UNC80: variants seen among roughly 807,000 people sequenced by gnomAD.
The protein encoded by UNC80 is unc-80 subunit of NALCN channel complex.
Under a neutral mutation model 384.6 loss-of-function variants are expected in UNC80, and 164 were observed. The observed-to-expected ratio is 0.43, with a 90% CI of 0.38 to 0.49. UNC80 has a LOEUF of 0.49. UNC80 is among the 20% of genes least tolerant of loss of function. The pLI is 0.00. For missense variants in UNC80, 3,330 were observed against 4,143.0 expected (o/e 0.80, Z 5.39); for synonymous variants, 1,486 against 1,527.8 (o/e 0.97, Z 0.64).
chr2:209,974,957 A>T lies in UNC80; in HGVS notation c.8588-1162A>T, dbSNP rs565411395. Among the ~76,000 whole-genome samples, 111 of 152,280 alleles carry T rather than the reference A, an allele frequency of 7.3e-4. No individual in the cohort carries two copies. In the Middle Eastern group the frequency reaches 0.017, roughly 23 times the overall value. On this transcript the variant is annotated intron_variant, in intron 56 of 64. Transcript: ENST00000673920. ...TTTGTTTGTTTGTTTAGTTGAGGGAAAGGAATTGAGATAAGCAATTGCTGT... is the reference window on the plus strand; with the variant it reads ...TTTGTTTGTTTGTTTAGTTGAGGGATAGGAATTGAGATAAGCAATTGCTGT...
intron 33 of UNC80, among the ~76,000 whole-genome samples, chr2:209,919,029 A>G (rs2089808839): frequency 6.6e-6 from 1 of 152,166 alleles, no homozygotes; most frequent in African/African-American, 2.4e-5. Context: ...AAAATAAGAA[A>G]AAGAAGAGAG....
chr2:209,949,960 C>T (rs967343167), intron 47 of UNC80, among the ~76,000 whole-genome samples: 4 of 151,648 alleles, frequency 2.6e-5, no homozygotes, highest in Non-Finnish European at 4.4e-5. Context: ...TCCAAGTAGC[C>T]GGCACTACAG....
chr2:209,862,733 A>G (rs1451623406), intron 22 of UNC80, among the ~76,000 whole-genome samples: 2 of 147,762 alleles, frequency 1.4e-5, no homozygotes, highest in East Asian at 2.0e-4. Context: ...TGTCTTTGCA[A>G]GTGAGATGGG....
chr2:209,929,609 A>G (rs1345070901), intron 36 of UNC80, among the ~76,000 whole-genome samples: 1 of 152,204 alleles, frequency 6.6e-6, no homozygotes, highest in African/African-American at 2.4e-5. Context: ...ACAATTGCAT[A>G]TATTCACAGA....
At chr2:209,793,654 A>T in intron 6 of UNC80, 66 bp from the exon 7 acceptor site, 2 of 1,576,710 alleles carry the variant, frequency 1.3e-6, no homozygotes, top group Non-Finnish European at 8.6e-7. Context: ...ATTCTAGATG[A>T]TATAGCTACA....
intron 27 of UNC80, among the ~76,000 whole-genome samples, chr2:209,895,017 T>C (rs2086674520): frequency 1.3e-5 from 2 of 152,116 alleles, no homozygotes; most frequent in African/African-American, 4.8e-5. Flanking sequence ...TAAAGATAAA[T>C]TAGAAGATGA....
intron 22 of UNC80, among the ~76,000 whole-genome samples, chr2:209,863,621 C>T (rs781623970): frequency 1.3e-5 from 2 of 151,650 alleles, no homozygotes; most frequent in Non-Finnish European, 2.9e-5. Flanking sequence ...TCTGCTTGGT[C>T]GATTCAGCTA....
chr2:209,791,819 CAAAAAAAAAA>C (rs71043949), intron 6 of UNC80, among the ~76,000 whole-genome samples: 1 of 52,144 alleles, frequency 1.9e-5, no homozygotes, highest in Non-Finnish European at 3.2e-5. Context: ...GACTCCGTCT[CAAAAAAAAAA>C]AAAAAAAAAA....
At chr2:209,982,347 C>A in intron 60 of UNC80, 30 bp downstream of exon 60, 1 of 1,497,638 alleles carries the variant, frequency 6.7e-7, no homozygotes, top group Non-Finnish European at 8.9e-7. Flanking sequence ...CTGTACTCTG[C>A]ATTTGGGGGC....
rs760634420 is a variant in UNC80 at position 209,995,384 on chromosome 2, G to C, written c.9764G>C (p.Gly3255Ala). 1 of 1,552,130 alleles carries C rather than the reference G, an allele frequency of 6.4e-7. No individual in the cohort carries two copies. Among genetic ancestry groups the C allele is most frequent in the South Asian group, 1.2e-5 (1 of 84,060 alleles). The change falls in exon 65 of 65, where the codon GGT (glycine) becomes GCT (alanine). Residue 3255 changes from glycine (G) to alanine (A), a missense_variant. Physicochemically the swap from Gly to Ala is moderately conservative, Grantham distance 60 (BLOSUM62 0). This residue lies in a region of UNC80 where 236 missense variants were observed against 254.9 expected (regional missense o/e 0.93). Coordinates refer to ENST00000673920, the MANE Select transcript of UNC80 (RefSeq NM_001371986.1). ...GEKEEDTEAQ[G>A]ATAHSPLSAQ... is the part of the protein sequence containing the mutation. Reference sequence around the variant, plus strand: ...AAGGAGGAGGACACAGAAGCACAAGGTGCTACTGCACACAGTCCACTCTCT... The same window carrying C: ...AAGGAGGAGGACACAGAAGCACAAGCTGCTACTGCACACAGTCCACTCTCT...
rs368617236 is a variant in UNC80, at chr2:209,834,317, G to C, written c.2942+149G>C. ...TAAGTGGTTTCACTGGTGTGGTGTA[G>C]CTGCAGCTTAGAAAATGAATGAATT... On this transcript the variant is annotated intron_variant, in intron 17 of 64. Coordinates refer to ENST00000673920, the MANE Select transcript of UNC80 (RefSeq NM_001371986.1). 18 of 804,544 alleles carry C rather than the reference G, an allele frequency of 2.2e-5. No individual in the cohort carries two copies. In the East Asian group the frequency reaches 4.7e-4, roughly 21 times the overall value. 49.8% of individuals were successfully genotyped at this position (804,544 alleles called of 1,614,324 possible).
Position 209,943,469 on chromosome 2 carries a change from T to G in UNC80, c.7005T>G (p.Phe2335Leu), listed in dbSNP as rs567166305. 1 of 1,552,018 alleles carries G rather than the reference T, an allele frequency of 6.4e-7. No individual in the cohort carries two copies. Among genetic ancestry groups the G allele is most frequent in the South Asian group, 1.2e-5 (1 of 84,060 alleles). Residue 2335 changes from phenylalanine (F) to leucine (L), a missense_variant, in exon 45 of 65, where the codon TTT becomes TTG. Coordinates refer to ENST00000673920, the MANE Select transcript of UNC80 (RefSeq NM_001371986.1). ...TCTATATTCTACACCGGAAGCCCTT[T>G]GTGCTCCAGCTGTTTGCTAGTGTGG... ...HQFYILHRKP[F>L]VLQLFASVAP... is the part of the protein sequence containing the mutation.
Position 209,929,951 on chromosome 2 carries a change from C to T in UNC80, c.5887C>T (p.Leu1963=), listed in dbSNP as rs2090722479. The T allele has an allele frequency of 6.5e-7, 1 of 1,540,194 alleles. No individual in the cohort carries two copies. Among genetic ancestry groups the T allele is most frequent in the African/African-American group, 1.4e-5 (1 of 72,202 alleles). Residue 1963 remains leucine, a synonymous_variant, in exon 37 of 65, where the codon CTG becomes TTG. Coordinates refer to ENST00000673920, the MANE Select transcript of UNC80 (RefSeq NM_001371986.1). ...GGTTCTTCGACATTTTCTGGAAAAACTGACCATCAGCAATAGACAAGTAAA... is the reference window on the plus strand; with the variant it reads ...GGTTCTTCGACATTTTCTGGAAAAATTGACCATCAGCAATAGACAAGTAAA... ...STVLRHFLEK[L]TISNRQDELM... is the part of the protein sequence containing the mutation.
At chr2:209,903,749 A>G (rs2087832764) in intron 28 of UNC80, among the ~76,000 whole-genome samples, 1 of 148,674 alleles carries the variant, frequency 6.7e-6, no homozygotes, top group Admixed American at 7.0e-5. Flanking sequence ...GCTTAAAACA[A>G]TACACATTTA....
In UNC80 at chr2:209,929,953, G is replaced by T; in HGVS notation, c.5889G>T (p.Leu1963=). 1 of 1,539,668 alleles carries T rather than the reference G, an allele frequency of 6.5e-7. No individual in the cohort carries two copies. Among genetic ancestry groups the T allele is most frequent in the South Asian group, 1.2e-5 (1 of 81,946 alleles). ...TTCTTCGACATTTTCTGGAAAAACT[G>T]ACCATCAGCAATAGACAAGTAAATT... is the stretch of plus-strand genomic sequence containing the variant. ...STVLRHFLEK[L]TISNRQDELM... The change falls in exon 37 of 65, where the codon CTG becomes CTT. Residue 1963 remains leucine (L), a synonymous_variant. Coordinates refer to ENST00000673920, the MANE Select transcript of UNC80 (RefSeq NM_001371986.1).
intron 51 of UNC80, among the ~76,000 whole-genome samples, chr2:209,963,144 T>C (rs1159577374): frequency 6.6e-6 from 1 of 152,248 alleles, no homozygotes; most frequent in African/African-American, 2.4e-5. Context: ...AATGTATTGC[T>C]TCATTTGTCC....
intron 9 of UNC80, among the ~76,000 whole-genome samples, chr2:209,816,470 G>C (rs2079745020): frequency 6.6e-6 from 1 of 152,234 alleles, no homozygotes; most frequent in Non-Finnish European, 1.5e-5. Flanking sequence ...CAGAAAAAGA[G>C]AGGCTGGTTC....
chr2:209,917,705 C>G, intron 31 of UNC80, 72 bp from the exon 32 acceptor site: 1 of 1,503,998 alleles, frequency 6.6e-7, no homozygotes, highest in Non-Finnish European at 9.0e-7. Flanking sequence ...GAAGCAGTTT[C>G]CACTTCTCCC....
At chr2:209,912,806 A>G (rs2089099398) in intron 30 of UNC80, 139 bp downstream of exon 30, 2 of 586,662 alleles carry the variant, frequency 3.4e-6, no homozygotes, top group African/African-American at 3.9e-5. Flanking sequence ...GGTGAGCAAG[A>G]GTGCCACCAA....
Sources: allele counts gnomAD v4.1 joint callset (sites outside exome capture counted in the v4.1 genomes callset), GRCh38; gene constraint gnomAD v4.1.1; regional missense constraint gnomAD v4.1.1; transcripts MANE v1.5; gene names NCBI Gene and HGNC (gene_info 2026-07-23, HGNC 2026-07-21).